The following RAB39A variants were observed in gnomAD, a reference collection of about 807,000 sequenced individuals.
RAB39A encodes the protein ras-related protein Rab-39A.
Under a neutral mutation model 20.9 loss-of-function variants are expected in RAB39A, and 17 were observed. The ratio of observed to expected loss-of-function variants is 0.81; its 90% CI spans 0.56 to 1.22. The LOEUF is 1.22. RAB39A is among the 50% of genes most tolerant of loss of function. RAB39A has a pLI of 0.00. For synonymous variants in RAB39A, 99 were observed against 103.4 expected (o/e 0.96, Z 0.26); for missense variants, 234 against 270.5 (o/e 0.87, Z 0.95).
intron 1 of RAB39A, among the ~76,000 whole-genome samples, chr11:107,943,252 A>ATT (rs201904262): frequency 6.7e-6 from 1 of 149,184 alleles, no homozygotes; most frequent in African/African-American, 2.4e-5. Context: ...ATGCTGTCCC[A>ATT]TTTTTTTTTT....
rs1861503473 is a variant in RAB39A, at chr11:107,962,135, G to T, written c.417G>T (p.Arg139Ser). ...CDLASQRQVT[R>S]EEAEKLSADC... Reference sequence around the variant, plus strand: ...TAGCTTCACAACGTCAAGTTACAAGGGAAGAAGCTGAAAAACTGTCAGCAG... The same window carrying T: ...TAGCTTCACAACGTCAAGTTACAAGTGAAGAAGCTGAAAAACTGTCAGCAG... Residue 139 changes from arginine to serine, a missense_variant, in exon 2 of 2, where the codon AGG becomes AGT. Transcript: ENST00000320578. 3 of 1,614,028 alleles carry T rather than the reference G, an allele frequency of 1.9e-6. No individual in the cohort carries two copies. Among genetic ancestry groups the T allele is most frequent in the Non-Finnish European group, 2.5e-6 (3 of 1,180,018 alleles).
chr11:107,961,679 A>G (rs890908839), intron 1 of RAB39A, among the ~76,000 whole-genome samples: 43 of 140,816 alleles, frequency 3.1e-4, no homozygotes, highest in African/African-American at 1.3e-3. Context: ...AAAACAAATA[A>G]TCAGACAGTA....
chr11:107,943,353 C>T (rs975625186), intron 1 of RAB39A, among the ~76,000 whole-genome samples: 7 of 151,896 alleles, frequency 4.6e-5, no homozygotes, highest in African/African-American at 1.2e-4. Context: ...GGGCGGATCA[C>T]GAGGTCAGGA....
At chr11:107,946,396 ATGTGTG>A (rs71047654) in intron 1 of RAB39A, among the ~76,000 whole-genome samples, 483 of 37,516 alleles carry the variant, frequency 0.013, 11 homozygotes, top group African/African-American at 0.025. Context: ...GGGTGTATAT[ATGTGTG>A]TGTGTGTGTG....
intron 1 of RAB39A, among the ~76,000 whole-genome samples, chr11:107,933,287 T>C (rs1371373464): frequency 6.7e-6 from 1 of 149,948 alleles, no homozygotes; most frequent in Non-Finnish European, 1.5e-5. Context: ...CAGAACACTC[T>C]TTCCTGTGAT....
chr11:107,960,794 T>C (rs1390859037), intron 1 of RAB39A, among the ~76,000 whole-genome samples: 2 of 152,082 alleles, frequency 1.3e-5, no homozygotes, highest in African/African-American at 2.4e-5. Flanking sequence ...AAACCCTGAC[T>C]AGAAGCAGAG....
intron 1 of RAB39A, among the ~76,000 whole-genome samples, chr11:107,944,368 A>G (rs1015725578): frequency 6.6e-6 from 1 of 152,138 alleles, no homozygotes; most frequent in African/African-American, 2.4e-5. Context: ...ATGGGTTGCT[A>G]TGTGTCAGCT....
At chr11:107,950,803 G>C (rs1234122952) in intron 1 of RAB39A, among the ~76,000 whole-genome samples, 7 of 149,130 alleles carry the variant, frequency 4.7e-5, no homozygotes. Context: ...TGCTCTCATA[G>C]AGCTTATCTT....
intron 1 of RAB39A, among the ~76,000 whole-genome samples, chr11:107,939,356 C>T (rs942453811): frequency 3.3e-5 from 5 of 151,428 alleles, no homozygotes; most frequent in African/African-American, 1.2e-4. Context: ...CCTGTAATCC[C>T]AGCACTTTGG....
chr11:107,934,725 G>A (rs1861175711), intron 1 of RAB39A, among the ~76,000 whole-genome samples: 3 of 37,746 alleles, frequency 7.9e-5, no homozygotes, highest in East Asian at 7.8e-4. Flanking sequence ...TCAGGAGTTC[G>A]AGACCAGCCT....
intron 1 of RAB39A, among the ~76,000 whole-genome samples, chr11:107,948,926 C>T (rs1199988992): frequency 6.6e-6 from 1 of 152,120 alleles, no homozygotes; most frequent in Non-Finnish European, 1.5e-5. Flanking sequence ...CTTTTCCTTT[C>T]CTGCACAACT....
In RAB39A at chr11:107,961,020, C is replaced by T. The variant is rs373228683; in HGVS notation, c.228-926C>T. 8.5e-5 allele frequency among the ~76,000 whole-genome samples: 13 copies of T among 152,250 alleles called. No individual in the cohort carries two copies. In the South Asian group the frequency reaches 2.5e-3, roughly 29 times the overall value. Reference sequence around the variant, plus strand: ...AGATCTGGAGAGACATACAGAGAATCGTTAGCACACCTCAGATTCATATCC... The same window carrying T: ...AGATCTGGAGAGACATACAGAGAATTGTTAGCACACCTCAGATTCATATCC... On this transcript the variant is annotated intron_variant, in intron 1 of 1. Coordinates refer to ENST00000320578, the MANE Select transcript of RAB39A (RefSeq NM_017516.3).
chr11:107,947,172 G>T (rs556092389), intron 1 of RAB39A, among the ~76,000 whole-genome samples: 1 of 152,060 alleles, frequency 6.6e-6, no homozygotes, highest in South Asian at 2.1e-4. Flanking sequence ...CGTGATCTCG[G>T]CTCACTGCAA....
intron 1 of RAB39A, among the ~76,000 whole-genome samples, chr11:107,951,704 T>G (rs1861382119): frequency 6.8e-6 from 1 of 146,024 alleles, no homozygotes; most frequent in Non-Finnish European, 1.5e-5. Flanking sequence ...ACTGCAGCCT[T>G]GGACTCCTGA....
At chr11:107,956,066 T>C (rs921281633) in intron 1 of RAB39A, among the ~76,000 whole-genome samples, 6 of 152,150 alleles carry the variant, frequency 3.9e-5, no homozygotes, top group African/African-American at 1.4e-4. Flanking sequence ...GAATATATAA[T>C]TTATCCACCC....
chr11:107,958,490 C>T (rs1195350383), intron 1 of RAB39A, among the ~76,000 whole-genome samples: 5 of 152,154 alleles, frequency 3.3e-5, no homozygotes, highest in Non-Finnish European at 1.5e-5. Flanking sequence ...TCTGCTTCTT[C>T]CCCCAGATGA....
Position 107,961,946 on chromosome 11 carries a change from A to T in RAB39A, c.228A>T (p.Arg76Ser), listed in dbSNP as rs745689266. ...AACCTTTTTTCTCTTCATTTTTCAGATCAATAACCCGATCTTATTACCGCA... is the reference window on the plus strand; with the variant it reads ...AACCTTTTTTCTCTTCATTTTTCAGTTCAATAACCCGATCTTATTACCGCA... ...LWDTAGQERF[R>S]SITRSYYRNS... The change falls in exon 2 of 2, where the codon AGA becomes AGT. Residue 76 changes from arginine to serine, a missense_variant and splice_region_variant. By Grantham distance (110) the Arg-to-Ser change is moderately radical. Transcript: ENST00000320578. The T allele has an allele frequency of 1.2e-6, 2 of 1,600,052 alleles. No homozygotes were observed. The highest frequency in any genetic ancestry group is 2.2e-5 in the South Asian group (2 of 89,312).
chr11:107,954,147 C>T (rs1861409951), intron 1 of RAB39A, among the ~76,000 whole-genome samples: 2 of 152,128 alleles, frequency 1.3e-5, no homozygotes, highest in South Asian at 4.1e-4. Context: ...GAGTAAGGTA[C>T]AATATTCAGG....
intron 1 of RAB39A, among the ~76,000 whole-genome samples, chr11:107,956,908 G>A (rs10890785): frequency 0.29 from 43,491 of 152,090 alleles, 7,266 homozygotes; most frequent in Admixed American, 0.45. Context: ...GAAGGCAAAG[G>A]TAGGAGAGTA....
Sources: allele counts gnomAD v4.1 joint callset (sites outside exome capture counted in the v4.1 genomes callset), GRCh38; gene constraint gnomAD v4.1.1; transcripts MANE v1.5; gene names NCBI Gene and HGNC (gene_info 2026-07-23, HGNC 2026-07-21).